TMCO4: variants seen among roughly 807,000 people sequenced by gnomAD.
TMCO4 encodes transmembrane and coiled-coil domains 4.
TMCO4 carries 58 observed loss-of-function variants against 64.7 expected under a neutral mutation model. That is an observed-to-expected ratio of 0.90 (90% CI 0.73 to 1.12). The LOEUF (loss-of-function observed/expected upper bound fraction) is 1.12, where lower values mean the gene tolerates loss of function less well. Among genes scored for constraint, TMCO4 ranks in the 50% most tolerant of loss-of-function variants. The probability of loss-of-function intolerance (pLI) is 0.00; values close to 1 mark genes in which losing one functional copy is unlikely to be tolerated. For missense variants in TMCO4, 780 were observed against 825.9 expected, an observed-to-expected ratio of 0.94 and a Z score of 0.68; for synonymous variants, 325 against 346.1, an observed-to-expected ratio of 0.94 and a Z score of 0.68.
chr1:19,708,637 T>G (rs897536201), intron 13 of TMCO4, among the ~76,000 whole-genome samples: 1 of 152,126 alleles, frequency 6.6e-6, no homozygotes, highest in Non-Finnish European at 1.5e-5. Context: ...AGCTTCACCT[T>G]TGTCATTTCC....
At chr1:19,724,779 T>C (rs1263412776) in intron 13 of TMCO4, among the ~76,000 whole-genome samples, 1 of 152,124 alleles carries the variant, frequency 6.6e-6, no homozygotes, top group Non-Finnish European at 1.5e-5. Flanking sequence ...TTTTCTTTTT[T>C]GAGATGGAGT....
intron 10 of TMCO4, 183 bp downstream of exon 10, chr1:19,745,349 G>A (rs888984808): frequency 8.8e-6 from 8 of 908,916 alleles, no homozygotes; most frequent in South Asian, 3.3e-5. Context: ...GATGGATGGC[G>A]AGATGATGGG....
In TMCO4 at chr1:19,683,407, G is replaced by T. The variant is rs746240803; in HGVS notation, c.1538C>A (p.Ala513Asp). Residue 513 changes from alanine (A) to aspartate (D), a missense_variant, in exon 16 of 16, where the codon GCC (alanine) becomes GAC (aspartate). Coordinates refer to ENST00000294543, the MANE Select transcript of TMCO4 (RefSeq NM_181719.7). ...GCGGATGCCCACGGCCTTCAGGATG[G>T]CATCCATCTGCTTGGCATAGTCCAG... Reference protein sequence around the residue: ...GHLDYAKQMDAILKAVGIRTK... With the variant: ...GHLDYAKQMDDILKAVGIRTK... 4.3e-6 allele frequency: 7 copies of T among 1,613,376 alleles called. No individual in the cohort carries two copies. The South Asian group carries it at 6.6e-5, about 15-fold the overall frequency.
chr1:19,744,373 G>A (rs183264004), intron 10 of TMCO4, among the ~76,000 whole-genome samples: 7 of 152,302 alleles, frequency 4.6e-5, no homozygotes, highest in African/African-American at 1.4e-4. Context: ...GAGAAACCAC[G>A]TGATGTTCCT....
rs545552981 is a variant in TMCO4 at position 19,746,972 on chromosome 1, A to C, written c.613+191T>G. On this transcript the variant is annotated intron_variant, in intron 8 of 15. Transcript: ENST00000294543. ...GTGGCTTGATGAGTTTTTACCCCTC[A>C]GCTACCTACTGCCTCCCATGGAAGT... 3.4e-5 allele frequency among the ~76,000 whole-genome samples: 5 copies of C among 145,872 alleles called. No homozygotes were observed. In the East Asian group the frequency reaches 1.0e-3, roughly 29 times the overall value.
intron 6 of TMCO4, among the ~76,000 whole-genome samples, chr1:19,768,746 G>T (rs1403709279): frequency 6.6e-6 from 1 of 152,168 alleles, no homozygotes; most frequent in African/African-American, 2.4e-5. Context: ...TGGAGCCTTA[G>T]AGCAGCGCTC....
chr1:19,789,877 A>AC (rs987749729), intron 2 of TMCO4, among the ~76,000 whole-genome samples: 1 of 151,864 alleles, frequency 6.6e-6, no homozygotes, highest in African/African-American at 2.4e-5. Context: ...ACATGGCAAA[A>AC]CCCCATCTCT....
chr1:19,692,378 G>A (rs1030909424), intron 15 of TMCO4, among the ~76,000 whole-genome samples: 1 of 152,120 alleles, frequency 6.6e-6, no homozygotes, highest in Non-Finnish European at 1.5e-5. Flanking sequence ...TGTGACCCTG[G>A]AATGTCTCTA....
rs201093840 is a variant in TMCO4 at position 19,757,156 on chromosome 1, T to TGG, written c.383-1392_383-1391dup. On this transcript the variant is annotated intron_variant, in intron 6 of 15. Coordinates refer to ENST00000294543, the MANE Select transcript of TMCO4 (RefSeq NM_181719.7). The stretch of plus-strand genomic sequence containing the variant: ...AAATACAAAAATTAGCCAGGCGTGG[T>TGG]GGCGGGGGGGGGCGCCTGTAATTTC... Among the ~76,000 whole-genome samples the TGG allele has an allele frequency of 4.2e-3, 426 of 102,220 alleles. 21 individuals are homozygous for TGG. Among genetic ancestry groups the TGG allele is most frequent in the East Asian group, 0.038 (112 of 2,982 alleles). The allele number at this position is 102,220 out of a possible 152,430, so 67.1% of individuals were successfully genotyped here.
chr1:19,743,872 A>T lies in TMCO4; in HGVS notation c.877+1660T>A, dbSNP rs1170151819. ...GAACAGCCCCACCTTGGAGGGTGGA[A>T]GTGAAGTTTCTAGGAGGTAACCATA... On this transcript the variant is annotated intron_variant, in intron 10 of 15. Coordinates refer to ENST00000294543, the MANE Select transcript of TMCO4 (RefSeq NM_181719.7). This position sits in a 1 kb window ranked among gnomAD's most constrained non-coding sequence, Gnocchi z 4.1. 6.6e-6 allele frequency among the ~76,000 whole-genome samples: 1 copy of T among 152,148 alleles called. No individual in the cohort carries two copies. The highest frequency in any genetic ancestry group is 1.5e-5 in the Non-Finnish European group (1 of 67,992).
At chr1:19,764,241 C>G (rs1181868614) in intron 6 of TMCO4, among the ~76,000 whole-genome samples, 1 of 152,140 alleles carries the variant, frequency 6.6e-6, no homozygotes, top group African/African-American at 2.4e-5. Context: ...GACTCAGGAG[C>G]CCCGGGGCCT....
At chr1:19,718,795 T>C (rs1473582103) in intron 13 of TMCO4, among the ~76,000 whole-genome samples, 1 of 151,912 alleles carries the variant, frequency 6.6e-6, no homozygotes, top group Non-Finnish European at 1.5e-5. Flanking sequence ...ACACACCAGC[T>C]CCCTGGTGTA....
Position 19,698,918 on chromosome 1 carries a change from G to A in TMCO4, c.1382+1850C>T, listed in dbSNP as rs114001092. Reference sequence around the variant, plus strand: ...AAAGTACCAAAAAATCATGTGCGGCGGGGTGCAGTGGCTCACGCCTGTAAT... The same window carrying A: ...AAAGTACCAAAAAATCATGTGCGGCAGGGTGCAGTGGCTCACGCCTGTAAT... On this transcript the variant is annotated intron_variant, in intron 14 of 15. Transcript: ENST00000294543. Among the ~76,000 whole-genome samples the A allele has an allele frequency of 1.0e-2, 1,518 of 152,226 alleles. 15 individuals are homozygous for A. Among genetic ancestry groups the A allele is most frequent in the East Asian group, 0.025 (132 of 5,180 alleles).
chr1:19,686,653 A>C (rs2095151655), intron 15 of TMCO4, among the ~76,000 whole-genome samples: 1 of 152,196 alleles, frequency 6.6e-6, no homozygotes, highest in Non-Finnish European at 1.5e-5. Flanking sequence ...GGTGGTTGTC[A>C]AGGCACAGCC....
At chr1:19,688,111 C>T (rs1025175047) in intron 15 of TMCO4, among the ~76,000 whole-genome samples, 17 of 152,202 alleles carry the variant, frequency 1.1e-4, no homozygotes, top group African/African-American at 4.1e-4. Context: ...CCTGGATACA[C>T]GCCGGATGTG....
chr1:19,752,099 G>A (rs1317549625), intron 7 of TMCO4, among the ~76,000 whole-genome samples: 2 of 151,582 alleles, frequency 1.3e-5, no homozygotes, highest in African/African-American at 2.4e-5. Flanking sequence ...CCCAGACATC[G>A]TTCATTATTG....
chr1:19,682,717 A>G lies in TMCO4; in HGVS notation c.*323T>C, dbSNP rs957379627. 1 of 717,744 alleles carries G rather than the reference A, an allele frequency of 1.4e-6. No individual in the cohort carries two copies. The highest frequency in any genetic ancestry group is 2.6e-6 in the Non-Finnish European group (1 of 385,290). The allele number at this position is 717,744 out of a possible 1,614,324, so 44.5% of individuals were successfully genotyped here. ...TGATGGACAGCCAGACTCCAAAGCT[A>G]TGAGAAGTACAGAAAGCCCACAGTT... On this transcript the variant is annotated 3_prime_UTR_variant, in exon 16 of 16. Transcript: ENST00000294543.
chr1:19,791,365 G>C (rs141867854), intron 2 of TMCO4, among the ~76,000 whole-genome samples: 5 of 152,034 alleles, frequency 3.3e-5, no homozygotes, highest in Admixed American at 1.3e-4. Flanking sequence ...AATAGCAAGG[G>C]TTGGTGGGAC....
At chr1:19,685,604 C>T (rs761268492) in intron 15 of TMCO4, among the ~76,000 whole-genome samples, 33 of 152,002 alleles carry the variant, frequency 2.2e-4, no homozygotes, top group African/African-American at 6.8e-4. Flanking sequence ...TGCTAGGTGT[C>T]GGCTGCTCAC....
Sources: allele counts gnomAD v4.1 joint callset (sites outside exome capture counted in the v4.1 genomes callset), GRCh38; gene constraint gnomAD v4.1.1; non-coding constraint Gnocchi (gnomAD v3.1); transcripts MANE v1.5; gene names NCBI Gene and HGNC (gene_info 2026-07-23, HGNC 2026-07-21).